TTC39B: variants seen among roughly 807,000 people sequenced by gnomAD.
The protein encoded by TTC39B is tetratricopeptide repeat domain 39B.
A neutral mutation model predicts 96.6 loss-of-function variants in TTC39B; 92 were observed. That is an observed-to-expected ratio of 0.95 (90% CI 0.80 to 1.13). The LOEUF (loss-of-function observed/expected upper bound fraction) is 1.13. Ranked by LOEUF, TTC39B falls within the 50% of genes most tolerant of loss-of-function variation. The probability of loss-of-function intolerance (pLI) is 0.00; values close to 1 mark genes in which losing one functional copy is unlikely to be tolerated. For missense variants in TTC39B, 955 were observed against 809.3 expected (o/e 1.18, Z -2.18); for synonymous variants, 367 against 299.4 (o/e 1.23, Z -2.33).
chr9:15,286,913 CTT>C (rs1481626943), intron 1 of TTC39B, among the ~76,000 whole-genome samples: 1 of 152,126 alleles, frequency 6.6e-6, no homozygotes, highest in Non-Finnish European at 1.5e-5. Flanking sequence ...ACCTGGGGAA[CTT>C]TTAAATTTCT....
At chr9:15,291,634 C>G (rs1217289053) in intron 1 of TTC39B, among the ~76,000 whole-genome samples, 2 of 152,134 alleles carry the variant, frequency 1.3e-5, no homozygotes, top group Non-Finnish European at 2.9e-5. Context: ...GCTATTTATC[C>G]AACATGTTTA....
At chr9:15,284,487 T>G (rs923621687) in intron 1 of TTC39B, among the ~76,000 whole-genome samples, 3 of 152,218 alleles carry the variant, frequency 2.0e-5, no homozygotes, top group Non-Finnish European at 4.4e-5. Flanking sequence ...CTTCAATAGA[T>G]AATTAAATAA....
intron 2 of TTC39B, among the ~76,000 whole-genome samples, chr9:15,239,153 T>C (rs1325794180): frequency 6.7e-6 from 1 of 150,082 alleles, no homozygotes; most frequent in Non-Finnish European, 1.5e-5. Context: ...AACAAACACA[T>C]GAAAAAAAAA....
intron 2 of TTC39B, among the ~76,000 whole-genome samples, chr9:15,241,308 C>A (rs1822029386): frequency 6.7e-6 from 1 of 150,142 alleles, no homozygotes; most frequent in African/African-American, 2.5e-5. Flanking sequence ...AAAAAAAAAA[C>A]TCTGCAAAAC....
chr9:15,204,132 G>C (rs1819705158), intron 6 of TTC39B, among the ~76,000 whole-genome samples: 1 of 152,196 alleles, frequency 6.6e-6, no homozygotes, highest in Non-Finnish European at 1.5e-5. Flanking sequence ...CAAAGAGTCA[G>C]TCACTTCGTA....
intron 1 of TTC39B, among the ~76,000 whole-genome samples, chr9:15,300,963 A>T (rs1824566069): frequency 6.7e-6 from 1 of 148,242 alleles, no homozygotes; most frequent in African/African-American, 2.5e-5. Flanking sequence ...CAAATTCCTT[A>T]GCGTGACATT....
rs530738760 is a variant in TTC39B, at chr9:15,167,765, T to C, written c.*4254A>G. 5 of 152,272 alleles carry C rather than the reference T, an allele frequency of 3.3e-5. No individual in the cohort carries two copies. In the South Asian group the frequency reaches 8.3e-4, roughly 25 times the overall value. The allele number at this position is 152,272 out of a possible 1,614,324, so 9.4% of individuals were successfully genotyped here. A position where few individuals can be genotyped will look rare whatever the true frequency, so the allele number is the denominator to read the frequency against. ...GAAACTCTGTCTCAAAAAATATATA[T>C]ATTAATCATGAAATCTATCTTCTCA... On this transcript the variant is annotated 3_prime_UTR_variant, in exon 20 of 20. Coordinates refer to ENST00000512701, the Ensembl canonical transcript of TTC39B.
At chr9:15,267,826 C>CA (rs2131550607) in intron 2 of TTC39B, 88 bp downstream of exon 2, 3 of 1,283,100 alleles carry the variant, frequency 2.3e-6, no homozygotes, top group Non-Finnish European at 1.1e-6. Context: ...CCGTACTCTC[C>CA]AAAAAATGAG....
chr9:15,241,742 C>CTTT (rs5896669), intron 2 of TTC39B, among the ~76,000 whole-genome samples: 42 of 129,144 alleles, frequency 3.3e-4, no homozygotes, highest in East Asian at 1.5e-3. Flanking sequence ...TTAATTAACT[C>CTTT]TTTTTTTTTT....
chr9:15,178,418 ATTTT>A (rs957632941), intron 17 of TTC39B, among the ~76,000 whole-genome samples: 2 of 152,028 alleles, frequency 1.3e-5, no homozygotes, highest in Non-Finnish European at 2.9e-5. Flanking sequence ...ACAAAAAAAA[ATTTT>A]TTTAATTACT....
intron 2 of TTC39B, among the ~76,000 whole-genome samples, chr9:15,254,069 T>A (rs746633063): frequency 1.3e-5 from 2 of 152,002 alleles, no homozygotes; most frequent in Non-Finnish European, 2.9e-5. Context: ...CTTTGTCAAG[T>A]CTGTCCCCTT....
chr9:15,300,684 G>A (rs945967093), intron 1 of TTC39B, among the ~76,000 whole-genome samples: 3 of 152,100 alleles, frequency 2.0e-5, no homozygotes, highest in African/African-American at 4.8e-5. Flanking sequence ...TCAGGAGTTC[G>A]AAAGCAGCCT....
intron 6 of TTC39B, among the ~76,000 whole-genome samples, 181 bp downstream of exon 6, chr9:15,209,907 G>C (rs1413509540): frequency 3.9e-5 from 6 of 152,142 alleles, no homozygotes; most frequent in Non-Finnish European, 7.3e-5. Flanking sequence ...ATGTATTTGA[G>C]TATGTACACA....
At chr9:15,259,355 A>G (rs549117113) in intron 2 of TTC39B, among the ~76,000 whole-genome samples, 1 of 152,294 alleles carries the variant, frequency 6.6e-6, no homozygotes, top group South Asian at 2.1e-4. Flanking sequence ...TACACCATTT[A>G]TATGTATTCA....
intron 1 of TTC39B, among the ~76,000 whole-genome samples, chr9:15,294,921 A>G (rs1161806362): frequency 6.6e-6 from 1 of 152,202 alleles, no homozygotes; most frequent in African/African-American, 2.4e-5. Flanking sequence ...TCTGGTGAAT[A>G]TGGAATAGAT....
At chr9:15,286,767 G>C (rs1823988656) in intron 1 of TTC39B, among the ~76,000 whole-genome samples, 1 of 152,094 alleles carries the variant, frequency 6.6e-6, no homozygotes, top group Admixed American at 6.6e-5. Context: ...TAAAGCAAAA[G>C]TCTTCCATCT....
intron 2 of TTC39B, among the ~76,000 whole-genome samples, chr9:15,253,252 A>G (rs926304531): frequency 6.6e-6 from 1 of 152,186 alleles, no homozygotes; most frequent in Non-Finnish European, 1.5e-5. Context: ...GTGGGCCCTA[A>G]AGGCAATCAC....
chr9:15,297,672 A>G (rs773626023), intron 1 of TTC39B, among the ~76,000 whole-genome samples: 4 of 152,172 alleles, frequency 2.6e-5, no homozygotes, highest in African/African-American at 4.8e-5. Flanking sequence ...GTGAGTCCCA[A>G]TAATCATTCA....
intron 9 of TTC39B, among the ~76,000 whole-genome samples, chr9:15,191,505 G>C (rs1015164812): frequency 1.3e-5 from 2 of 152,150 alleles, no homozygotes; most frequent in African/African-American, 4.8e-5. Flanking sequence ...AGAATACTGG[G>C]ACCTTTGATG....
Sources: gnomAD v4.1 joint callset for allele counts (sites outside exome capture counted in the v4.1 genomes callset) on GRCh38, gnomAD v4.1.1 for gene constraint, MANE v1.5 for transcripts, NCBI Gene and HGNC (gene_info 2026-07-23, HGNC 2026-07-21) for gene names.